ABTB3: variants seen among roughly 807,000 people sequenced by gnomAD.
ABTB3 encodes ankyrin repeat- and BTB/POZ domain-containing protein 3.
chr12:107,505,654 T>C, the ABTB3 span, among the ~76,000 whole-genome samples: 2 of 152,090 alleles, frequency 1.3e-5, no homozygotes, highest in Non-Finnish European at 2.9e-5. Flanking sequence ...TAGTATTCAT[T>C]AGTTCTTTTT....
the ABTB3 span, among the ~76,000 whole-genome samples, chr12:107,415,406 T>C: frequency 6.6e-6 from 1 of 152,090 alleles, no homozygotes; most frequent in Admixed American, 6.6e-5. Flanking sequence ...TTAACTACTT[T>C]TTGGATAAAA....
At chr12:107,435,762 C>T in the ABTB3 span, among the ~76,000 whole-genome samples, 121 of 152,244 alleles carry the variant, frequency 7.9e-4, no homozygotes, top group East Asian at 0.021. Context: ...TTTGTTCTTC[C>T]TTATTACTTC....
chr12:107,341,012 T>C, the ABTB3 span, among the ~76,000 whole-genome samples: 1 of 152,038 alleles, frequency 6.6e-6, no homozygotes, highest in Non-Finnish European at 1.5e-5. Flanking sequence ...TGATGTGAGA[T>C]GTAATGCAGG....
the ABTB3 span, among the ~76,000 whole-genome samples, chr12:107,626,581 C>G: frequency 6.6e-6 from 1 of 151,922 alleles, no homozygotes; most frequent in Non-Finnish European, 1.5e-5. Context: ...ATCTCCTGAC[C>G]TCGTGATCTG....
At chr12:107,570,926 T>C in the ABTB3 span, among the ~76,000 whole-genome samples, 3 of 152,160 alleles carry the variant, frequency 2.0e-5, no homozygotes, top group South Asian at 2.1e-4. Context: ...GGAAATGATA[T>C]AGTGAATGGC....
At chr12:107,623,005 C>A in the ABTB3 span, among the ~76,000 whole-genome samples, 4 of 151,432 alleles carry the variant, frequency 2.6e-5, no homozygotes, top group African/African-American at 7.3e-5. Context: ...AGGAGCAGAA[C>A]AATATATTCA....
At chr12:107,598,620 G>C in the ABTB3 span, among the ~76,000 whole-genome samples, 1 of 152,166 alleles carries the variant, frequency 6.6e-6, no homozygotes, top group African/African-American at 2.4e-5. Flanking sequence ...CATGAAATAA[G>C]AGCAAAAACA....
At chr12:107,319,800 A>T in the ABTB3 span, 1 of 1,394,940 alleles carries the variant, frequency 7.2e-7, no homozygotes, top group Non-Finnish European at 9.4e-7. Context: ...GCGGATAAAG[A>T]GCGGGAGGCG....
chr12:107,606,771 A>AT, the ABTB3 span, among the ~76,000 whole-genome samples: 2 of 152,062 alleles, frequency 1.3e-5, no homozygotes, highest in African/African-American at 4.8e-5. Context: ...GAGAAGAAAG[A>AT]TTTTCTCTAT....
chr12:107,398,250 C>T, the ABTB3 span, among the ~76,000 whole-genome samples: 18 of 152,238 alleles, frequency 1.2e-4, 2 homozygotes, highest in South Asian at 1.5e-3. Flanking sequence ...GCAGCATGCA[C>T]GTGAGGCCCA....
At chr12:107,561,309 A>G in the ABTB3 span, among the ~76,000 whole-genome samples, 3 of 152,184 alleles carry the variant, frequency 2.0e-5, no homozygotes, top group Non-Finnish European at 4.4e-5. Context: ...AACACTGAGC[A>G]TCCACTGCCT....
At chr12:107,538,897 T>C in the ABTB3 span, among the ~76,000 whole-genome samples, 4 of 152,176 alleles carry the variant, frequency 2.6e-5, no homozygotes, top group Non-Finnish European at 5.9e-5. Context: ...AGCCTCAGAC[T>C]CTTCGTCAGA....
At chr12:107,340,596 T>C in the ABTB3 span, among the ~76,000 whole-genome samples, 1 of 152,030 alleles carries the variant, frequency 6.6e-6, no homozygotes, top group African/African-American at 2.4e-5. Context: ...GTGATGTGAC[T>C]CCTCGTTTTT....
the ABTB3 span, among the ~76,000 whole-genome samples, chr12:107,551,522 T>C: frequency 6.6e-6 from 1 of 152,220 alleles, no homozygotes; most frequent in Non-Finnish European, 1.5e-5. Flanking sequence ...ATCAATGTGC[T>C]AAAGGTTAGC....
the ABTB3 span, among the ~76,000 whole-genome samples, chr12:107,340,322 A>G: frequency 2.2e-4 from 33 of 152,352 alleles, no homozygotes; most frequent in East Asian, 6.2e-3. Flanking sequence ...GACTGGCCTC[A>G]GAAAGGTAAC....
chr12:107,553,766 C>A, the ABTB3 span, among the ~76,000 whole-genome samples: 13 of 152,156 alleles, frequency 8.5e-5, no homozygotes, highest in Non-Finnish European at 1.9e-4. Context: ...TGGCAAAACC[C>A]CATCTCTACT....
chr12:107,477,298 G>T, the ABTB3 span, among the ~76,000 whole-genome samples: 1 of 152,160 alleles, frequency 6.6e-6, no homozygotes, highest in African/African-American at 2.4e-5. Flanking sequence ...AGACATCACT[G>T]TGGAAAACAA....
chr12:107,487,463 C>T, the ABTB3 span, among the ~76,000 whole-genome samples: 2 of 152,136 alleles, frequency 1.3e-5, no homozygotes, highest in African/African-American at 4.8e-5. Flanking sequence ...AGCCAAACCT[C>T]AGTGCCAGAG....
chr12:107,626,217 A>G, the ABTB3 span, among the ~76,000 whole-genome samples: 5 of 152,196 alleles, frequency 3.3e-5, no homozygotes, highest in African/African-American at 1.2e-4. Flanking sequence ...TTTATATGTA[A>G]TGTCCAGAGT....
Sources: gnomAD v4.1 joint callset for allele counts (sites outside exome capture counted in the v4.1 genomes callset) on GRCh38, gnomAD v4.1.1 for gene constraint, MANE v1.5 for transcripts, NCBI Gene and HGNC (gene_info 2026-07-23, HGNC 2026-07-21) for gene names.